The following STK39 variants were observed in gnomAD, a reference collection of about 807,000 sequenced individuals.
The protein encoded by STK39 is STE20/SPS1-related proline-alanine-rich protein kinase.
Under a neutral mutation model 77.8 loss-of-function variants are expected in STK39, and 20 were observed. That is an observed-to-expected ratio of 0.26 (90% CI 0.18 to 0.37). The LOEUF is 0.37. Among genes scored for constraint, STK39 ranks in the 10% least tolerant of loss-of-function variants. The pLI, the probability that STK39 is intolerant of heterozygous loss-of-function variation, is 1.00. For synonymous variants in STK39, 246 were observed against 234.1 expected (o/e 1.05, Z -0.47); for missense variants, 479 against 656.5 (o/e 0.73, Z 2.95).
Position 168,153,231 on chromosome 2 carries a change from T to C in STK39, c.628+8556A>G, listed in dbSNP as rs767929967. ...GATGTTTATTAATTCATTTGACAAC[T>C]ATTTGCCAAGATCTTACTAAGTGCC... On this transcript the variant is annotated intron_variant, in intron 5 of 17. Transcript: ENST00000355999. 9.2e-5 allele frequency among the ~76,000 whole-genome samples: 14 copies of C among 152,244 alleles called. 1 individual carries two copies. The highest frequency in any genetic ancestry group is 2.1e-4 in the Non-Finnish European group (14 of 68,038).
intron 1 of STK39, among the ~76,000 whole-genome samples, chr2:168,214,251 AACAAC>A (rs1689967720): frequency 1.1e-4 from 1 of 9,306 alleles, no homozygotes; most frequent in Non-Finnish European, 6.5e-4. Flanking sequence ...TAACAACAAC[AACAAC>A]AAAAAAAAAA....
chr2:167,964,597 T>A (rs1025896523), intron 17 of STK39, 65 bp downstream of exon 17: 3 of 1,391,344 alleles, frequency 2.2e-6, no homozygotes, highest in African/African-American at 1.4e-5. Context: ...TAAACTAGAT[T>A]ATTATTCCCT....
chr2:168,077,918 A>G (rs1358092214), intron 10 of STK39, among the ~76,000 whole-genome samples: 1 of 148,942 alleles, frequency 6.7e-6, no homozygotes, highest in Non-Finnish European at 1.5e-5. Flanking sequence ...AAAAAAAAAA[A>G]GTGCAGAAAA....
chr2:168,199,154 G>C (rs1689548303), intron 1 of STK39, among the ~76,000 whole-genome samples: 1 of 152,132 alleles, frequency 6.6e-6, no homozygotes, highest in South Asian at 2.1e-4. Flanking sequence ...GATACTTAGG[G>C]GGTTACACCA....
At chr2:167,960,616 G>A (rs1417173919) in intron 17 of STK39, among the ~76,000 whole-genome samples, 3 of 151,984 alleles carry the variant, frequency 2.0e-5, no homozygotes, top group Admixed American at 6.6e-5. Context: ...TCTGATTCCT[G>A]AACACTCCAT....
intron 1 of STK39, among the ~76,000 whole-genome samples, chr2:168,201,538 T>G (rs1689612380): frequency 6.6e-6 from 1 of 152,164 alleles, no homozygotes; most frequent in South Asian, 2.1e-4. Context: ...AAGAAACTCC[T>G]TAAAATCACA....
intron 3 of STK39, among the ~76,000 whole-genome samples, chr2:168,165,141 T>C (rs532408230): frequency 5.9e-5 from 9 of 152,234 alleles, no homozygotes; most frequent in Admixed American, 1.3e-4. Context: ...AAAAACATTT[T>C]CTTTTTATTG....
chr2:168,189,075 G>A (rs559817345), intron 1 of STK39, among the ~76,000 whole-genome samples: 2 of 152,234 alleles, frequency 1.3e-5, no homozygotes, highest in South Asian at 4.1e-4. Context: ...TGCTGGAAAA[G>A]ATTTAGAGCT....
intron 10 of STK39, among the ~76,000 whole-genome samples, chr2:168,085,455 T>C (rs61306613): frequency 0.34 from 51,157 of 152,064 alleles, 8,821 homozygotes; most frequent in Admixed American, 0.37. Flanking sequence ...CCAGCAGATA[T>C]TTGTCTCTTT....
intron 10 of STK39, among the ~76,000 whole-genome samples, chr2:168,104,745 A>C (rs1408686487): frequency 2.0e-5 from 3 of 152,212 alleles, no homozygotes. Flanking sequence ...CTGGAAGACA[A>C]TTTGCCAGTA....
intron 10 of STK39, among the ~76,000 whole-genome samples, chr2:168,123,192 T>G (rs1046972251): frequency 6.6e-6 from 1 of 151,888 alleles, no homozygotes; most frequent in Non-Finnish European, 1.5e-5. Context: ...TTCAAAGGAG[T>G]CACAGATGGG....
intron 16 of STK39, among the ~76,000 whole-genome samples, chr2:167,965,123 A>AG (rs1348186033): frequency 1.6e-5 from 2 of 123,984 alleles, no homozygotes; most frequent in East Asian, 2.4e-4. Context: ...GGTAGTGGGG[A>AG]GAAAAAAAAA....
intron 14 of STK39, among the ~76,000 whole-genome samples, chr2:168,023,882 C>G (rs1285244575): frequency 6.6e-6 from 1 of 152,166 alleles, no homozygotes; most frequent in East Asian, 1.9e-4. Flanking sequence ...GACCCAGGAG[C>G]AGCTGCTCGC....
In STK39 at chr2:168,150,194, C is replaced by G. The variant is rs1688243479; in HGVS notation, c.629-9436G>C. Among the ~76,000 whole-genome samples, 3 of 152,346 alleles carry G rather than the reference C, an allele frequency of 2.0e-5. No individual in the cohort carries two copies. The South Asian group carries it at 6.2e-4, about 32-fold the overall frequency. ...GGACTGGAAGATCTCAATGCACAGCCAACTCCACAGGTTCCTCTTTCACCT... is the reference window on the plus strand; with the variant it reads ...GGACTGGAAGATCTCAATGCACAGCGAACTCCACAGGTTCCTCTTTCACCT... On this transcript the variant is annotated intron_variant, in intron 5 of 17. Coordinates refer to ENST00000355999, the MANE Select transcript of STK39 (RefSeq NM_013233.3).
chr2:168,069,024 C>G (rs1273563771), intron 12 of STK39, among the ~76,000 whole-genome samples: 1 of 152,186 alleles, frequency 6.6e-6, no homozygotes, highest in East Asian at 1.9e-4. Flanking sequence ...TCAAGCGATT[C>G]TCCTGCCTCA....
intron 1 of STK39, among the ~76,000 whole-genome samples, chr2:168,239,550 G>C (rs975366982): frequency 6.6e-6 from 1 of 152,120 alleles, no homozygotes; most frequent in Non-Finnish European, 1.5e-5. Context: ...TGGCCCAAAC[G>C]CAACTAAATA....
At chr2:168,211,554 A>G (rs1689891592) in intron 1 of STK39, among the ~76,000 whole-genome samples, 1 of 152,198 alleles carries the variant, frequency 6.6e-6, no homozygotes, top group South Asian at 2.1e-4. Flanking sequence ...GTAATATTTG[A>G]TGATAGGAAG....
chr2:168,056,148 A>G (rs894468875), intron 14 of STK39, among the ~76,000 whole-genome samples: 1 of 152,142 alleles, frequency 6.6e-6, no homozygotes, highest in Non-Finnish European at 1.5e-5. Context: ...GCAACACTAT[A>G]TTTTTTTCAA....
chr2:168,074,694 A>G (rs1006696032), intron 12 of STK39, among the ~76,000 whole-genome samples: 1 of 152,196 alleles, frequency 6.6e-6, no homozygotes, highest in African/African-American at 2.4e-5. Context: ...GATTCCGTGG[A>G]GGGTTTTGTG....
Sources: allele counts gnomAD v4.1 joint callset (sites outside exome capture counted in the v4.1 genomes callset), GRCh38; gene constraint gnomAD v4.1.1; transcripts MANE v1.5; gene names NCBI Gene and HGNC (gene_info 2026-07-23, HGNC 2026-07-21).